ZNF33A: variants seen among roughly 807,000 people sequenced by gnomAD.
ZNF33A encodes zinc finger protein 33A.
A neutral mutation model predicts 15.9 loss-of-function variants in ZNF33A; 9 were observed. That is an observed-to-expected ratio of 0.57 (90% CI 0.34 to 0.99). The LOEUF (loss-of-function observed/expected upper bound fraction) is 0.99. ZNF33A is among the 50% of genes least tolerant of loss of function. The pLI is 0.02. For missense variants in ZNF33A, 843 were observed against 941.6 expected, an observed-to-expected ratio of 0.90 and a Z score of 1.37; for synonymous variants, 294 against 324.2, an observed-to-expected ratio of 0.91 and a Z score of 1.00.
At chr10:38,060,142 C>T (rs544881493), downstream of ZNF33A, 9 of 911,804 alleles carry the variant, frequency 9.9e-6, no homozygotes, top group Admixed American at 5.6e-4. Flanking sequence ...CATTAGTGAA[C>T]AATTGAATTG....
chr10:38,030,575 T>C (rs982822508), intron 4 of ZNF33A, among the ~76,000 whole-genome samples: 6 of 152,116 alleles, frequency 3.9e-5, no homozygotes, highest in African/African-American at 1.2e-4. Context: ...GGTAATGATA[T>C]TAAGAGTGTA....
chr10:38,049,961 GATGAA>G (rs1337429966), intron 4 of ZNF33A, among the ~76,000 whole-genome samples: 3 of 152,266 alleles, frequency 2.0e-5, no homozygotes, highest in African/African-American at 7.2e-5. Flanking sequence ...TGACGATTTT[GATGAA>G]ATGAACAGTT....
At chr10:38,029,653 A>T (rs1207518191) in intron 4 of ZNF33A, among the ~76,000 whole-genome samples, 2 of 152,130 alleles carry the variant, frequency 1.3e-5, no homozygotes, top group Non-Finnish European at 2.9e-5. Flanking sequence ...CCTGTTGTCC[A>T]CTCAAGAACA....
At chr10:38,034,091 G>A (rs944916164) in intron 4 of ZNF33A, among the ~76,000 whole-genome samples, 1 of 152,076 alleles carries the variant, frequency 6.6e-6, no homozygotes, top group Non-Finnish European at 1.5e-5. Context: ...TTTATTTCAT[G>A]ACTTATAGAA....
intron 4 of ZNF33A, among the ~76,000 whole-genome samples, chr10:38,019,293 T>C (rs892492877): frequency 1.3e-5 from 2 of 151,860 alleles, no homozygotes; most frequent in African/African-American, 4.9e-5. Context: ...GTTTCATCCA[T>C]GTCCCTACAA....
intron 1 of ZNF33A, 116 bp downstream of exon 1, chr10:38,010,899 A>G: frequency 7.7e-7 from 1 of 1,304,782 alleles, no homozygotes; most frequent in Non-Finnish European, 1.1e-6. Context: ...TCATAGGGGA[A>G]GGCGGGGACG....
Position 38,055,840 on chromosome 10 carries a change from T to C in ZNF33A, c.1716T>C (p.Tyr572=), listed in dbSNP as rs752824792. Residue 572 remains tyrosine, a synonymous_variant, in exon 5 of 5, where the codon TAT becomes TAC. Transcript: ENST00000432900. ...ATAAGTCAACCCTCTCTCAACATTATAGAACACACACAGGGGAGAAACCCT... is the reference window on the plus strand; with the variant it reads ...ATAAGTCAACCCTCTCTCAACATTACAGAACACACACAGGGGAGAAACCCT... ...FSHKSTLSQH[Y]RTHTGEKPYE... is the part of the protein sequence containing the mutation. 6.2e-6 allele frequency: 10 copies of C among 1,611,112 alleles called. No homozygotes were observed. Among genetic ancestry groups the C allele is most frequent in the Non-Finnish European group, 8.5e-6 (10 of 1,178,976 alleles).
At chr10:38,033,314 A>C (rs999287331) in intron 4 of ZNF33A, among the ~76,000 whole-genome samples, 1 of 152,226 alleles carries the variant, frequency 6.6e-6, no homozygotes, top group African/African-American at 2.4e-5. Flanking sequence ...GCCATATAAC[A>C]TGGTGTATAG....
chr10:38,036,347 G>T (rs2065454011), intron 4 of ZNF33A, among the ~76,000 whole-genome samples: 1 of 152,088 alleles, frequency 6.6e-6, no homozygotes, highest in South Asian at 2.1e-4. Context: ...TGAGGCAGGA[G>T]AATCGCTTAG....
chr10:38,064,043 C>T, downstream of ZNF33A: 1 of 1,579,202 alleles, frequency 6.3e-7, no homozygotes, highest in Non-Finnish European at 8.6e-7. Context: ...AACCCTACGA[C>T]AGACATTTTC....
At chr10:38,064,835 T>G (rs1350493976), downstream of ZNF33A, 1 of 152,112 alleles carries the variant, frequency 6.6e-6, no homozygotes, top group Non-Finnish European at 1.5e-5. Context: ...ACACAATCCA[T>G]GTGAAGGGAC....
downstream of ZNF33A, chr10:38,064,005 A>G (rs2066685880): frequency 7.5e-7 from 1 of 1,329,838 alleles, no homozygotes; most frequent in African/African-American, 1.4e-5. Context: ...ACAGGAAGAA[A>G]AGAGGGCTTT....
Position 38,055,286 on chromosome 10 carries a change from A to G in ZNF33A, c.1162A>G (p.Asn388Asp). 6.2e-7 allele frequency: 1 copy of G among 1,613,358 alleles called. No individual in the cohort carries two copies. Among genetic ancestry groups the G allele is most frequent in the South Asian group, 1.1e-5 (1 of 91,026 alleles). Residue 388 changes from asparagine (N) to aspartate (D), a missense_variant, in exon 5 of 5, where the codon AAT becomes GAT. Coordinates refer to ENST00000432900, the MANE Select transcript of ZNF33A (RefSeq NM_006954.2). Reference sequence around the variant, plus strand: ...CACAGGGGAGAAACCTTTTGAATGCAATGAATGTGGGAAAGCCTTTAGCCA... The same window carrying G: ...CACAGGGGAGAAACCTTTTGAATGCGATGAATGTGGGAAAGCCTTTAGCCA... ...SHTGEKPFEC[N>D]ECGKAFSHKS...
intron 4 of ZNF33A, among the ~76,000 whole-genome samples, chr10:38,047,083 G>A (rs2065972697): frequency 6.6e-6 from 1 of 150,868 alleles, no homozygotes; most frequent in African/African-American, 2.4e-5. Context: ...GGGAGGCTGA[G>A]GTGGGAAGAT....
intron 4 of ZNF33A, among the ~76,000 whole-genome samples, chr10:38,042,337 C>A (rs1433423927): frequency 3.3e-5 from 5 of 151,914 alleles, no homozygotes; most frequent in Non-Finnish European, 7.4e-5. Flanking sequence ...AGGCATGTGC[C>A]ACCACAGCTA....
chr10:38,023,029 T>C (rs892035174), intron 4 of ZNF33A, among the ~76,000 whole-genome samples: 1 of 152,146 alleles, frequency 6.6e-6, no homozygotes, highest in African/African-American at 2.4e-5. Flanking sequence ...CACCGCAACC[T>C]CTGCCTCCCG....
At chr10:38,049,243 G>A (rs898866271) in intron 4 of ZNF33A, among the ~76,000 whole-genome samples, 1 of 152,044 alleles carries the variant, frequency 6.6e-6, no homozygotes, top group African/African-American at 2.4e-5. Context: ...AATGAAAACA[G>A]AATTTATGGG....
chr10:38,062,630 C>T (rs1660381337), downstream of ZNF33A, among the ~76,000 whole-genome samples: 1 of 152,114 alleles, frequency 6.6e-6, no homozygotes, highest in African/African-American at 2.4e-5. Flanking sequence ...ATTGCTTGAG[C>T]CCAGGAGTTC....
At chr10:38,041,861 T>C (rs147937149) in intron 4 of ZNF33A, among the ~76,000 whole-genome samples, 11 of 152,278 alleles carry the variant, frequency 7.2e-5, no homozygotes, top group African/African-American at 2.4e-4. Context: ...TTGTTGTTGT[T>C]TTTTTACTTT....
Sources: gnomAD v4.1 joint callset for allele counts (sites outside exome capture counted in the v4.1 genomes callset) on GRCh38, gnomAD v4.1.1 for gene constraint, MANE v1.5 for transcripts, NCBI Gene and HGNC (gene_info 2026-07-23, HGNC 2026-07-21) for gene names.